SLC7A2: variants seen among roughly 807,000 people sequenced by gnomAD.
SLC7A2 encodes the protein solute carrier family 7 member 2.
In SLC7A2, 48 loss-of-function variants were observed where a neutral mutation model predicts 58.9. The observed-to-expected ratio is 0.82, with a 90% CI of 0.65 to 1.04. The LOEUF (loss-of-function observed/expected upper bound fraction) is 1.04. Among genes scored for constraint, SLC7A2 ranks in the 50% least tolerant of loss-of-function variants. The pLI is 0.00. For missense variants in SLC7A2, 1,029 were observed against 818.8 expected, an observed-to-expected ratio of 1.26 and a Z score of -3.13; for synonymous variants, 363 against 314.5, an observed-to-expected ratio of 1.15 and a Z score of -1.63.
intron 4 of SLC7A2, among the ~76,000 whole-genome samples, chr8:17,546,924 A>G (rs949943392): frequency 1.8e-4 from 28 of 152,142 alleles, no homozygotes; most frequent in Non-Finnish European, 3.5e-4. Flanking sequence ...GAAAAATACT[A>G]GAAGGAAGCA....
chr8:17,524,696 C>A (rs539678624), intron 2 of SLC7A2, among the ~76,000 whole-genome samples: 3 of 152,080 alleles, frequency 2.0e-5, no homozygotes, highest in Non-Finnish European at 4.4e-5. Context: ...AGACTACACA[C>A]TGGGTACAGG....
chr8:17,522,292 T>C (rs1801045580), intron 2 of SLC7A2, among the ~76,000 whole-genome samples: 2 of 152,004 alleles, frequency 1.3e-5, no homozygotes. Flanking sequence ...ATGAGAACAG[T>C]GTGGGGGAAA....
At chr8:17,498,373 C>T (rs1013212217) in intron 1 of SLC7A2, among the ~76,000 whole-genome samples, 3 of 152,178 alleles carry the variant, frequency 2.0e-5, no homozygotes, top group African/African-American at 7.2e-5. Flanking sequence ...TAATTATCTC[C>T]TCCGGAAGGT....
At chr8:17,531,253 T>C (rs1801439948) in intron 2 of SLC7A2, among the ~76,000 whole-genome samples, 1 of 152,200 alleles carries the variant, frequency 6.6e-6, no homozygotes, top group Admixed American at 6.5e-5. Flanking sequence ...CTTCTTACAG[T>C]CTTCTTATTT....
chr8:17,536,139 T>C (rs1801655677), intron 2 of SLC7A2, among the ~76,000 whole-genome samples: 1 of 152,058 alleles, frequency 6.6e-6, no homozygotes, highest in Admixed American at 6.5e-5. Context: ...TAAATGTTTT[T>C]AGTAAGTACT....
chr8:17,508,686 C>T (rs1324127914), intron 2 of SLC7A2, among the ~76,000 whole-genome samples: 2 of 151,554 alleles, frequency 1.3e-5, no homozygotes, highest in Non-Finnish European at 2.9e-5. Context: ...ACCACTCCAG[C>T]CTGCGAGACA....
Position 17,567,755 on chromosome 8 carries a change from TTATATG to T in SLC7A2, c.*2615_*2620del, listed in dbSNP as rs1803331727. Reference sequence around the variant, plus strand: ...AACTATTTTAAAATATACTATGATTTTATATGTATATTTCCTATAGACTCTTTAAGA... The same window carrying T: ...AACTATTTTAAAATATACTATGATTTTATATTTCCTATAGACTCTTTAAGA... On this transcript the variant is annotated 3_prime_UTR_variant, in exon 13 of 13. Coordinates refer to ENST00000494857, the MANE Select transcript of SLC7A2 (RefSeq NM_001370338.1). 6.6e-6 allele frequency: 1 copy of T among 152,206 alleles called. No individual in the cohort carries two copies. Among genetic ancestry groups the T allele is most frequent in the Admixed American group, 6.5e-5 (1 of 15,278 alleles). The allele number at this position is 152,206 out of a possible 1,614,324, so 9.4% of individuals were successfully genotyped here.
chr8:17,525,541 G>A (rs1357855637), intron 2 of SLC7A2, among the ~76,000 whole-genome samples: 1 of 152,194 alleles, frequency 6.6e-6, no homozygotes, highest in African/African-American at 2.4e-5. Flanking sequence ...TGTATGAACA[G>A]TAGGAGTGGC....
intron 2 of SLC7A2, among the ~76,000 whole-genome samples, chr8:17,507,748 A>T (rs951179988): frequency 6.6e-6 from 1 of 152,246 alleles, no homozygotes; most frequent in African/African-American, 2.4e-5. Context: ...ATGTAATAGA[A>T]ATATGCCCTA....
At chr8:17,545,469 G>A (rs1802124219) in intron 4 of SLC7A2, among the ~76,000 whole-genome samples, 1 of 138,146 alleles carries the variant, frequency 7.2e-6, no homozygotes, top group Admixed American at 7.8e-5. Context: ...GGAGTACAGT[G>A]GTACTGCAAC....
upstream of SLC7A2, chr8:17,497,047 G>T (rs1450043128): frequency 2.0e-5 from 3 of 150,552 alleles, no homozygotes; most frequent in Admixed American, 6.6e-5. Flanking sequence ...CCCCGCCCCC[G>T]CCCCGGGTGG....
chr8:17,530,552 G>GTGTGA (rs1394386676), intron 2 of SLC7A2, among the ~76,000 whole-genome samples: 2 of 149,774 alleles, frequency 1.3e-5, no homozygotes, highest in Non-Finnish European at 3.0e-5. Flanking sequence ...AGGCAGATTA[G>GTGTGA]GTACAAGTGT....
rs367713777 is a variant in SLC7A2 at position 17,557,438 on chromosome 8, C to G, written c.1196-857C>G. ...GATCTCTCAGATCTAGTAAGTCTACCTGGAATGCATGGCTTTAATCGTAGT... is the reference window on the plus strand; with the variant it reads ...GATCTCTCAGATCTAGTAAGTCTACGTGGAATGCATGGCTTTAATCGTAGT... On this transcript the variant is annotated intron_variant, in intron 8 of 12. Coordinates refer to ENST00000494857, the MANE Select transcript of SLC7A2 (RefSeq NM_001370338.1). Among the ~76,000 whole-genome samples the G allele has an allele frequency of 4.5e-4, 69 of 152,202 alleles. No homozygotes were observed. The South Asian group carries it at 9.1e-3, about 20-fold the overall frequency.
chr8:17,538,884 A>C (rs1038027093), intron 2 of SLC7A2: 12 of 1,613,720 alleles, frequency 7.4e-6, no homozygotes, highest in Non-Finnish European at 9.3e-6. Context: ...GGTTTATTGG[A>C]ACACCTGCCC....
chr8:17,495,949 T>C (rs1799947193), upstream of SLC7A2, among the ~76,000 whole-genome samples: 1 of 152,262 alleles, frequency 6.6e-6, no homozygotes. Context: ...ACACCGTTTA[T>C]TAGATGATCT....
rs1446250321 is a variant in SLC7A2 at position 17,560,343 on chromosome 8, A to G, written c.1314A>G (p.Leu438=). 6.2e-7 allele frequency: 1 copy of G among 1,613,864 alleles called. No individual in the cohort carries two copies. The highest frequency in any genetic ancestry group is 8.5e-7 in the Non-Finnish European group (1 of 1,179,736). The part of the protein sequence containing the change: ...CVLILRYQPG[L]SYDQPKCSPE... Reference sequence around the variant, plus strand: ...TTGGAAATAGGTACCAGCCTGGCTTATCTTACGACCAGCCCAAATGTTCTC... The same window carrying G: ...TTGGAAATAGGTACCAGCCTGGCTTGTCTTACGACCAGCCCAAATGTTCTC... The change falls in exon 10 of 13, where the codon TTA becomes TTG. Residue 438 remains leucine (L), a synonymous_variant. Transcript: ENST00000494857.
intron 2 of SLC7A2, among the ~76,000 whole-genome samples, chr8:17,508,005 G>T (rs114922862): frequency 0.018 from 2,737 of 151,878 alleles, 50 homozygotes; most frequent in African/African-American, 0.054. Flanking sequence ...AAAATAAAAA[G>T]ACTTTTAAAG....
rs1213477033 is a variant in SLC7A2, at chr8:17,554,894, A to G, written c.1195+195A>G. The G allele has an allele frequency of 2.5e-6, 4 of 1,602,866 alleles. No homozygotes were observed. In the African/African-American group the frequency reaches 5.4e-5, roughly 22 times the overall value. On this transcript the variant is annotated intron_variant, in intron 8 of 12. Transcript: ENST00000494857. ...AGTCTTTACCTGTCTATACCTGTCTAGAATAATCCTTAAAATAACTCATGT... is the reference window on the plus strand; with the variant it reads ...AGTCTTTACCTGTCTATACCTGTCTGGAATAATCCTTAAAATAACTCATGT...
chr8:17,546,220 A>G (rs1023963934), intron 4 of SLC7A2, among the ~76,000 whole-genome samples: 14 of 152,256 alleles, frequency 9.2e-5, no homozygotes, highest in Non-Finnish European at 2.9e-5. Flanking sequence ...GACGAAGAGC[A>G]TGTAGCTGTG....
Sources: allele counts gnomAD v4.1 joint callset (sites outside exome capture counted in the v4.1 genomes callset), GRCh38; gene constraint gnomAD v4.1.1; transcripts MANE v1.5; gene names NCBI Gene and HGNC (gene_info 2026-07-23, HGNC 2026-07-21).